The following WIF1 variants were observed in gnomAD, a reference collection of about 807,000 sequenced individuals.
WIF1 encodes the protein Wnt inhibitory factor 1.
WIF1 carries 35 observed loss-of-function variants against 53.5 expected under a neutral mutation model. The ratio of observed to expected loss-of-function variants is 0.65; its 90% CI spans 0.50 to 0.87. WIF1 has a LOEUF of 0.87. Among genes scored for constraint, WIF1 ranks in the 40% least tolerant of loss-of-function variants. The pLI is 0.00. For missense variants in WIF1, 467 were observed against 476.8 expected (o/e 0.98, Z 0.19); for synonymous variants, 171 against 170.4 (o/e 1.00, Z -0.03).
intron 3 of WIF1, among the ~76,000 whole-genome samples, chr12:65,076,846 T>C (rs1172969839): frequency 6.6e-6 from 1 of 151,336 alleles, no homozygotes; most frequent in Admixed American, 6.6e-5. Context: ...AAACAACTTT[T>C]GAAAAAATCC....
chr12:65,082,039 A>G (rs1882958472), intron 2 of WIF1, among the ~76,000 whole-genome samples: 1 of 152,148 alleles, frequency 6.6e-6, no homozygotes, highest in Non-Finnish European at 1.5e-5. Context: ...TGAACTACAG[A>G]GTAAATATAT....
chr12:65,102,130 T>C (rs1883291044), intron 2 of WIF1, among the ~76,000 whole-genome samples: 1 of 152,244 alleles, frequency 6.6e-6, no homozygotes, highest in South Asian at 2.1e-4. Flanking sequence ...TTGATCAAGA[T>C]TTAACCTGTG....
chr12:65,058,661 ATTT>A (rs759158311), intron 7 of WIF1, among the ~76,000 whole-genome samples: 67 of 152,326 alleles, frequency 4.4e-4, no homozygotes, highest in Middle Eastern at 6.8e-3. Context: ...TTTAATAGGA[ATTT>A]CTTCTTCCTG....
chr12:65,099,553 A>C (rs1437812846), intron 2 of WIF1, among the ~76,000 whole-genome samples: 2 of 152,216 alleles, frequency 1.3e-5, no homozygotes, highest in Non-Finnish European at 2.9e-5. Context: ...ATTTAGCAGA[A>C]GTTAGCAGAC....
intron 2 of WIF1, among the ~76,000 whole-genome samples, chr12:65,120,046 T>C (rs550018958): frequency 1.3e-5 from 2 of 152,350 alleles, no homozygotes; most frequent in South Asian, 4.1e-4. Context: ...TTGTAAAGTA[T>C]GAAGAATGTC....
At chr12:65,106,695 T>C (rs1883357912) in intron 2 of WIF1, among the ~76,000 whole-genome samples, 1 of 152,244 alleles carries the variant, frequency 6.6e-6, no homozygotes, top group Non-Finnish European at 1.5e-5. Flanking sequence ...CCACTGGGCA[T>C]GTTCAACCAG....
intron 7 of WIF1, among the ~76,000 whole-genome samples, chr12:65,056,707 T>A (rs536216676): frequency 2.0e-5 from 3 of 152,306 alleles, no homozygotes; most frequent in African/African-American, 7.2e-5. Context: ...TGGAGTGCAG[T>A]GGCAGGATCT....
chr12:65,070,496 A>G (rs533594245), intron 3 of WIF1, among the ~76,000 whole-genome samples: 4 of 152,296 alleles, frequency 2.6e-5, no homozygotes, highest in African/African-American at 9.6e-5. Context: ...ATTTCTTTAA[A>G]TTTTTTGTAC....
intron 5 of WIF1, among the ~76,000 whole-genome samples, chr12:65,067,044 C>T (rs545810056): frequency 6.6e-6 from 1 of 152,150 alleles, no homozygotes; most frequent in East Asian, 1.9e-4. Flanking sequence ...AATATTTTCA[C>T]TTTGCCCCAT....
intron 2 of WIF1, among the ~76,000 whole-genome samples, chr12:65,108,320 A>T (rs1205328948): frequency 6.6e-5 from 10 of 152,196 alleles, no homozygotes; most frequent in Non-Finnish European, 1.5e-4. Context: ...GATAGGGCAG[A>T]TGAGAAGGGG....
chr12:65,066,618 T>C (rs760479434), intron 6 of WIF1, 23 bp downstream of exon 6: 2 of 1,580,868 alleles, frequency 1.3e-6, no homozygotes, highest in South Asian at 2.3e-5. Context: ...AAAATAACTT[T>C]CTTCTTAAAA....
chr12:65,051,014 C>A lies in WIF1; in HGVS notation c.*335G>T, dbSNP rs780993887. ...ACTTACGCATTTTTGCCCAATTTAACCTTTCTGATGTTCCCCTGCCCCCAG... is the reference window on the plus strand; with the variant it reads ...ACTTACGCATTTTTGCCCAATTTAAACTTTCTGATGTTCCCCTGCCCCCAG... On this transcript the variant is annotated 3_prime_UTR_variant, in exon 10 of 10. Coordinates refer to ENST00000286574, the MANE Select transcript of WIF1 (RefSeq NM_007191.5). 1.6e-5 allele frequency: 4 copies of A among 245,602 alleles called. No individual in the cohort carries two copies. The Admixed American group carries it at 1.7e-4, about 10-fold the overall frequency. The allele number at this position is 245,602 out of a possible 1,614,324, so 15.2% of individuals were successfully genotyped here. A position where few individuals can be genotyped will look rare whatever the true frequency, so the allele number is the denominator to read the frequency against.
chr12:65,120,335 AC>A, intron 2 of WIF1, 81 bp downstream of exon 2: 1 of 1,349,824 alleles, frequency 7.4e-7, no homozygotes, highest in Non-Finnish European at 9.8e-7. Context: ...TGTAAAATGT[AC>A]CAGGCTACAC....
At chr12:65,074,033 C>A (rs116355256) in intron 3 of WIF1, among the ~76,000 whole-genome samples, 2 of 152,020 alleles carry the variant, frequency 1.3e-5, no homozygotes, top group South Asian at 2.1e-4. Context: ...TTTTCCTCTA[C>A]GTTTATTATT....
intron 2 of WIF1, among the ~76,000 whole-genome samples, chr12:65,080,283 G>A (rs1212821964): frequency 6.6e-6 from 1 of 152,128 alleles, no homozygotes; most frequent in African/African-American, 2.4e-5. Context: ...TAACAACATT[G>A]TTTAAGTTAA....
At chr12:65,087,628 AAAGGAGG>A (rs889921309) in intron 2 of WIF1, among the ~76,000 whole-genome samples, 9 of 152,176 alleles carry the variant, frequency 5.9e-5, no homozygotes, top group African/African-American at 2.2e-4. Flanking sequence ...GATTTAAAAA[AAAGGAGG>A]AAAAAAAACA....
Position 65,056,146 on chromosome 12 carries a change from A to G in WIF1, c.827-20T>C, listed in dbSNP as rs774967596. 2.5e-6 allele frequency: 4 copies of G among 1,607,760 alleles called. No individual in the cohort carries two copies. In the South Asian group the frequency reaches 3.3e-5, roughly 13 times the overall value. On this transcript the variant is annotated intron_variant, in intron 7 of 9. Coordinates refer to ENST00000286574, the MANE Select transcript of WIF1 (RefSeq NM_007191.5). The stretch of plus-strand genomic sequence containing the variant: ...ATTTGCCTGAAAAAGAGAAGAATGC[A>G]GCTAAACAAGGAACCTGGTGCTTCA...
intron 2 of WIF1, among the ~76,000 whole-genome samples, chr12:65,113,950 C>G (rs2136295286): frequency 6.6e-6 from 1 of 152,234 alleles, no homozygotes; most frequent in South Asian, 2.1e-4. Context: ...TAAGGTATGA[C>G]AGCAAACCCC....
At chr12:65,096,838 G>A (rs1340645573) in intron 2 of WIF1, among the ~76,000 whole-genome samples, 2 of 151,968 alleles carry the variant, frequency 1.3e-5, no homozygotes, top group Admixed American at 6.6e-5. Flanking sequence ...ACATAGGGAG[G>A]GGAACAACAC....
Sources: allele counts gnomAD v4.1 joint callset (sites outside exome capture counted in the v4.1 genomes callset), GRCh38; gene constraint gnomAD v4.1.1; transcripts MANE v1.5; gene names NCBI Gene and HGNC (gene_info 2026-07-23, HGNC 2026-07-21).